Variants in ENTREP2 observed in about 807,000 individuals in gnomAD.
The protein encoded by ENTREP2 is protein ENTREP2.
the ENTREP2 span, among the ~76,000 whole-genome samples, chr15:29,524,960 G>A: frequency 2.0e-5 from 3 of 152,216 alleles, no homozygotes; most frequent in Non-Finnish European, 4.4e-5. Context: ...GCTCTCAGGC[G>A]ATATATGATT....
the ENTREP2 span, among the ~76,000 whole-genome samples, chr15:29,217,714 C>T: frequency 6.6e-6 from 1 of 150,724 alleles, no homozygotes; most frequent in Non-Finnish European, 1.5e-5. Context: ...CTGGTGCCTC[C>T]CTGATTTGTT....
chr15:29,300,606 T>G, the ENTREP2 span, among the ~76,000 whole-genome samples: 1 of 152,298 alleles, frequency 6.6e-6, no homozygotes, highest in East Asian at 1.9e-4. Context: ...ACATAGTCTT[T>G]TTTTTCTTTT....
chr15:29,675,330 C>G, the ENTREP2 span: 1 of 152,318 alleles, frequency 6.6e-6, no homozygotes, highest in Non-Finnish European at 1.5e-5. Flanking sequence ...CACGCAGCGT[C>G]CCACAGGCTC....
chr15:29,411,151 T>C, the ENTREP2 span, among the ~76,000 whole-genome samples: 11 of 152,246 alleles, frequency 7.2e-5, no homozygotes, highest in African/African-American at 2.7e-4. Context: ...TTTGCTATCA[T>C]GTACTATTCG....
At chr15:29,221,599 C>G in the ENTREP2 span, among the ~76,000 whole-genome samples, 1 of 152,136 alleles carries the variant, frequency 6.6e-6, no homozygotes, top group Non-Finnish European at 1.5e-5. Context: ...TCTTATCACA[C>G]GAGAGACATG....
chr15:29,120,360 G>C, the ENTREP2 span: 1 of 152,256 alleles, frequency 6.6e-6, no homozygotes, highest in African/African-American at 2.4e-5. Flanking sequence ...CTGGTGGCTT[G>C]AAAACAATTT....
chr15:29,205,040 A>G, the ENTREP2 span, among the ~76,000 whole-genome samples: 1 of 150,790 alleles, frequency 6.6e-6, no homozygotes, highest in Admixed American at 6.6e-5. Context: ...TGGATTCACT[A>G]CTCCAGGTAC....
At chr15:29,363,881 G>C in the ENTREP2 span, among the ~76,000 whole-genome samples, 1 of 152,178 alleles carries the variant, frequency 6.6e-6, no homozygotes, top group African/African-American at 2.4e-5. Context: ...CAGCATCAAT[G>C]AATCAAACTC....
At chr15:29,119,279 A>AAAAGCAAATACAATTCTCGACG in the ENTREP2 span, among the ~76,000 whole-genome samples, 10 of 55,248 alleles carry the variant, frequency 1.8e-4, no homozygotes, top group South Asian at 7.0e-4. Flanking sequence ...CTTAAGAATG[A>AAAAGCAAATACAATTCTCGACG]TGAGTTCATG....
the ENTREP2 span, among the ~76,000 whole-genome samples, chr15:29,147,327 C>A: frequency 6.6e-6 from 1 of 152,150 alleles, no homozygotes. Context: ...AAATGCAAAT[C>A]CAAACCACAA....
At chr15:29,344,931 GACACACACACACACACACAC>G in the ENTREP2 span, among the ~76,000 whole-genome samples, 8 of 142,496 alleles carry the variant, frequency 5.6e-5, no homozygotes, top group Non-Finnish European at 1.1e-4. Context: ...CACGCGCGCA[GACACACACACACACACACAC>G]ACACACACAC....
the ENTREP2 span, among the ~76,000 whole-genome samples, chr15:29,666,923 C>T: frequency 6.6e-6 from 1 of 152,218 alleles, no homozygotes; most frequent in Non-Finnish European, 1.5e-5. Flanking sequence ...TCTTTCTCAG[C>T]TTCTGGTGGT....
At chr15:29,565,719 T>C in the ENTREP2 span, among the ~76,000 whole-genome samples, 1 of 152,110 alleles carries the variant, frequency 6.6e-6, no homozygotes, top group African/African-American at 2.4e-5. Context: ...ATCTCAGCAC[T>C]TTGGGAGGCT....
the ENTREP2 span, among the ~76,000 whole-genome samples, chr15:29,529,129 C>T: frequency 2.9e-5 from 2 of 69,046 alleles, no homozygotes; most frequent in Admixed American, 3.5e-4. Context: ...ACAAAAGCCT[C>T]TTGCATGTCC....
chr15:29,324,550 G>T, the ENTREP2 span, among the ~76,000 whole-genome samples: 1 of 152,284 alleles, frequency 6.6e-6, no homozygotes, highest in East Asian at 1.9e-4. Flanking sequence ...CAGATTAGAA[G>T]TGAAGGGATG....
chr15:29,200,619 C>A, the ENTREP2 span, among the ~76,000 whole-genome samples: 1 of 151,750 alleles, frequency 6.6e-6, no homozygotes, highest in Non-Finnish European at 1.5e-5. Flanking sequence ...TGTGCAATTG[C>A]GTGATCTCAC....
At chr15:29,566,519 T>G in the ENTREP2 span, among the ~76,000 whole-genome samples, 2 of 150,220 alleles carry the variant, frequency 1.3e-5, no homozygotes, top group Non-Finnish European at 3.0e-5. Context: ...TGCAGTGGAG[T>G]GATCTTGGCT....
At chr15:29,645,548 CTTATTTAT>C in the ENTREP2 span, among the ~76,000 whole-genome samples, 6 of 151,256 alleles carry the variant, frequency 4.0e-5, no homozygotes, top group African/African-American at 7.3e-5. Context: ...ATGTGATTAC[CTTATTTAT>C]TTATTTATTT....
the ENTREP2 span, among the ~76,000 whole-genome samples, chr15:29,431,992 AG>A: frequency 6.6e-6 from 1 of 152,220 alleles, no homozygotes; most frequent in Non-Finnish European, 1.5e-5. Context: ...TAGCAAAACC[AG>A]GACAAATTGC....
Sources: allele counts gnomAD v4.1 joint callset (sites outside exome capture counted in the v4.1 genomes callset), GRCh38; gene constraint gnomAD v4.1.1; transcripts MANE v1.5; gene names NCBI Gene and HGNC (gene_info 2026-07-23, HGNC 2026-07-21).